The following LINGO2 variants were observed in gnomAD, a reference collection of about 807,000 sequenced individuals.
The protein encoded by LINGO2 is leucine rich repeat and Ig domain containing 2.
Under a neutral mutation model 30.6 loss-of-function variants are expected in LINGO2, and 14 were observed. That is an observed-to-expected ratio of 0.46 (90% CI 0.30 to 0.72). LINGO2 has a LOEUF of 0.72. Ranked by LOEUF, LINGO2 falls within the 30% of genes least tolerant of loss-of-function variation. The pLI is 0.07. For synonymous variants in LINGO2, 317 were observed against 288.5 expected, an observed-to-expected ratio of 1.10 and a Z score of -1.00; for missense variants, 729 against 751.7, an observed-to-expected ratio of 0.97 and a Z score of 0.35.
upstream of LINGO2, among the ~76,000 whole-genome samples, chr9:28,674,097 G>C (rs1440106864): frequency 1.3e-5 from 2 of 151,980 alleles, no homozygotes; most frequent in Admixed American, 1.3e-4. Flanking sequence ...ATGTTAAAGA[G>C]AGGTGAACAT....
intron 5 of LINGO2, among the ~76,000 whole-genome samples, chr9:27,982,177 T>C (rs1186940802): frequency 6.6e-6 from 1 of 151,852 alleles, no homozygotes; most frequent in Non-Finnish European, 1.5e-5. Flanking sequence ...AAGAGTACAT[T>C]AGAGGTCAGA....
In LINGO2 at chr9:28,659,013, G is replaced by A. The variant is rs79235604; in HGVS notation, c.-365+11187C>T. 6.6e-3 allele frequency among the ~76,000 whole-genome samples: 997 copies of A among 152,174 alleles called. 17 individuals are homozygous for A. Among genetic ancestry groups the A allele is most frequent in the African/African-American group, 0.023 (935 of 41,530 alleles). The stretch of plus-strand genomic sequence containing the variant: ...TAACTGCTGGCAAAAGAGGGTGAAA[G>A]TAAATTAAATTCTTTGTTACTATTA... On this transcript the variant is annotated intron_variant, in intron 1 of 5. Coordinates refer to ENST00000379992, the Ensembl canonical transcript of LINGO2.
chr9:28,528,462 A>G (rs927081522), intron 1 of LINGO2, among the ~76,000 whole-genome samples: 5 of 152,172 alleles, frequency 3.3e-5, no homozygotes, highest in Non-Finnish European at 7.4e-5. Context: ...TACACAGGCC[A>G]ATTTATAATT....
At chr9:28,458,876 A>G (rs568856846) in intron 2 of LINGO2, among the ~76,000 whole-genome samples, 10 of 152,304 alleles carry the variant, frequency 6.6e-5, no homozygotes, top group Non-Finnish European at 1.3e-4. Context: ...GAGAATAGAA[A>G]ATCTACAAAA....
At chr9:28,003,386 TAGAG>T (rs71304830) in intron 5 of LINGO2, among the ~76,000 whole-genome samples, 8 of 134,964 alleles carry the variant, frequency 5.9e-5, no homozygotes, top group African/African-American at 9.1e-5. Context: ...TAGATAGATA[TAGAG>T]AGAGAGAGAG....
At chr9:28,584,405 A>C (rs900367501) in intron 1 of LINGO2, among the ~76,000 whole-genome samples, 1 of 152,070 alleles carries the variant, frequency 6.6e-6, no homozygotes. Flanking sequence ...CCAAATTCCT[A>C]TTAACACTTT....
At chr9:28,583,605 ATT>A (rs942732725) in intron 1 of LINGO2, among the ~76,000 whole-genome samples, 1 of 151,970 alleles carries the variant, frequency 6.6e-6, no homozygotes, top group African/African-American at 2.4e-5. Context: ...AAAGAAAAAA[ATT>A]TTTCTTTTAT....
At position 28,224,311 on chromosome 9, in the gene LINGO2, G is replaced by A. The variant is rs190989744; in HGVS notation, c.-87+70897C>T. Among the ~76,000 whole-genome samples the A allele has an allele frequency of 2.0e-4, 31 of 152,256 alleles. No individual in the cohort carries two copies. In the East Asian group the frequency reaches 3.3e-3, roughly 16 times the overall value. ...GATCTCCTGACCTCGTGATTTGCCCGCCTCGGCCTCCCAAAGTGCCGGGAT... is the reference window on the plus strand; with the variant it reads ...GATCTCCTGACCTCGTGATTTGCCCACCTCGGCCTCCCAAAGTGCCGGGAT... On this transcript the variant is annotated intron_variant, in intron 4 of 5. Coordinates refer to ENST00000379992, the Ensembl canonical transcript of LINGO2.
At chr9:29,025,929 A>T in the LINGO2 span, among the ~76,000 whole-genome samples, 2 of 152,256 alleles carry the variant, frequency 1.3e-5, no homozygotes, top group East Asian at 1.9e-4. Flanking sequence ...AATTAACAAA[A>T]TGTCTCCCAG....
intron 1 of LINGO2, among the ~76,000 whole-genome samples, chr9:28,490,429 G>A (rs1826350656): frequency 6.6e-6 from 1 of 152,200 alleles, no homozygotes; most frequent in Admixed American, 6.5e-5. Flanking sequence ...AACTAGGAAT[G>A]TGCATTTTAA....
intron 4 of LINGO2, among the ~76,000 whole-genome samples, chr9:28,029,835 AC>A (rs1306001929): frequency 2.0e-5 from 3 of 152,220 alleles, no homozygotes; most frequent in Non-Finnish European, 4.4e-5. Flanking sequence ...TGTATTATTA[AC>A]TTGCAATTAT....
the LINGO2 span, among the ~76,000 whole-genome samples, chr9:28,881,540 T>C: frequency 2.6e-5 from 4 of 152,202 alleles, 1 homozygote; most frequent in Admixed American, 6.5e-5. Context: ...ATTTTAATGA[T>C]TTTTATCTTA....
At chr9:28,721,178 G>A in the LINGO2 span, among the ~76,000 whole-genome samples, 3 of 152,238 alleles carry the variant, frequency 2.0e-5, no homozygotes, top group East Asian at 5.8e-4. Flanking sequence ...TGGTGAGGCT[G>A]TGGAGAAAAG....
the LINGO2 span, among the ~76,000 whole-genome samples, chr9:29,136,081 A>G: frequency 6.6e-6 from 1 of 151,594 alleles, no homozygotes; most frequent in Non-Finnish European, 1.5e-5. Context: ...CTTCCCATCC[A>G]CTCCTTTCCC....
the LINGO2 span, among the ~76,000 whole-genome samples, chr9:28,712,259 G>A: frequency 1.3e-5 from 2 of 151,954 alleles, no homozygotes; most frequent in East Asian, 3.9e-4. Context: ...GACCCTTTAA[G>A]GGTTTTATAT....
At chr9:28,193,455 T>C (rs530182425) in intron 4 of LINGO2, among the ~76,000 whole-genome samples, 4 of 152,252 alleles carry the variant, frequency 2.6e-5, no homozygotes, top group Non-Finnish European at 5.9e-5. Flanking sequence ...ATATATCACA[T>C]GCCAAAATTG....
chr9:28,643,389 C>A (rs139168138), intron 1 of LINGO2, among the ~76,000 whole-genome samples: 2 of 151,844 alleles, frequency 1.3e-5, no homozygotes, highest in African/African-American at 4.8e-5. Flanking sequence ...CAAATTTACA[C>A]GCTCACAGTG....
At chr9:28,605,403 A>G (rs1825655477) in intron 1 of LINGO2, among the ~76,000 whole-genome samples, 1 of 151,864 alleles carries the variant, frequency 6.6e-6, no homozygotes, top group Admixed American at 6.6e-5. Flanking sequence ...AAGTTAGGGG[A>G]GAGACTCTGA....
chr9:28,782,425 G>A, the LINGO2 span, among the ~76,000 whole-genome samples: 1 of 152,112 alleles, frequency 6.6e-6, no homozygotes, highest in Non-Finnish European at 1.5e-5. Flanking sequence ...AGGATGCAAG[G>A]GGTGATGGCA....
Sources: gnomAD v4.1 joint callset for allele counts (sites outside exome capture counted in the v4.1 genomes callset) on GRCh38, gnomAD v4.1.1 for gene constraint, MANE v1.5 for transcripts, NCBI Gene and HGNC (gene_info 2026-07-23, HGNC 2026-07-21) for gene names.